RELN: variants seen among roughly 807,000 people sequenced by gnomAD.
The protein encoded by RELN is reelin.
A neutral mutation model predicts 427.6 loss-of-function variants in RELN; 108 were observed. That is an observed-to-expected ratio of 0.25 (90% CI 0.22 to 0.30). RELN has a LOEUF of 0.30. Among genes scored for constraint, RELN ranks in the 10% least tolerant of loss-of-function variants. The pLI, the probability that RELN is intolerant of heterozygous loss-of-function variation, is 1.00. For synonymous variants in RELN, 1,524 were observed against 1,513.4 expected (o/e 1.01, Z -0.16); for missense variants, 3,715 against 4,302.8 (o/e 0.86, Z 3.82).
intron 5 of RELN, 149 bp from the exon 6 acceptor site, chr7:103,749,653 CA>C (rs973692734): frequency 1.0e-4 from 69 of 673,618 alleles, no homozygotes; most frequent in Non-Finnish European, 2.1e-5. Context: ...CTTTGTCCCT[CA>C]AACTACTAAG....
chr7:103,557,662 T>C (rs1830554852), intron 37 of RELN, among the ~76,000 whole-genome samples: 1 of 152,190 alleles, frequency 6.6e-6, no homozygotes, highest in South Asian at 2.1e-4. Context: ...CATTTTAAAA[T>C]TTAAATTTCT....
Position 103,535,395 on chromosome 7 carries a change from A to G in RELN, c.7270T>C (p.Tyr2424His), listed in dbSNP as rs754565373. The change falls in exon 46 of 65, where the codon TAT becomes CAT. Residue 2424 changes from tyrosine to histidine, a missense_variant. Tyr to His is a moderately conservative substitution (Grantham distance 83). This residue lies in a region of RELN where 1,310 missense variants were observed against 1,643.0 expected (regional missense o/e 0.80). Coordinates refer to ENST00000428762, the MANE Select transcript of RELN (RefSeq NM_005045.4). ...GACACCAGGATCCGTTGCAGATGAT[A>G]GCGACTGCATTCCACATTGGTAGGC... ...CLPTNVECSR[Y>H]HLQRILVSDT... The G allele has an allele frequency of 1.9e-6, 3 of 1,614,004 alleles. No homozygotes were observed. Among genetic ancestry groups the G allele is most frequent in the Non-Finnish European group, 2.5e-6 (3 of 1,179,992 alleles).
intron 2 of RELN, among the ~76,000 whole-genome samples, chr7:103,897,563 G>T (rs1471031384): frequency 2.0e-5 from 3 of 151,994 alleles, no homozygotes; most frequent in Non-Finnish European, 2.9e-5. Context: ...CCTAAGAAGA[G>T]AGTTGTTTAT....
At chr7:103,528,887 C>T (rs1196529162) in intron 46 of RELN, among the ~76,000 whole-genome samples, 1 of 151,500 alleles carries the variant, frequency 6.6e-6, no homozygotes, top group African/African-American at 2.4e-5. Flanking sequence ...CCTGTAATCC[C>T]AGCACTTTGG....
At chr7:103,774,596 T>C (rs916711401) in intron 4 of RELN, among the ~76,000 whole-genome samples, 3 of 152,206 alleles carry the variant, frequency 2.0e-5, no homozygotes, top group African/African-American at 7.2e-5. Flanking sequence ...ATATATTAGA[T>C]ATTCCTTACC....
intron 4 of RELN, among the ~76,000 whole-genome samples, chr7:103,760,695 C>A (rs1173027565): frequency 2.0e-5 from 3 of 151,966 alleles, no homozygotes; most frequent in African/African-American, 7.2e-5. Context: ...CTTACAAATA[C>A]AGGTATTATG....
chr7:103,548,862 T>A (rs1485762253), intron 41 of RELN, among the ~76,000 whole-genome samples: 1 of 152,206 alleles, frequency 6.6e-6, no homozygotes, highest in Admixed American at 6.5e-5. Flanking sequence ...GGCATGGACA[T>A]CTTCACTCAG....
At chr7:103,545,553 A>G (rs1454480104) in intron 41 of RELN, among the ~76,000 whole-genome samples, 1 of 152,066 alleles carries the variant, frequency 6.6e-6, no homozygotes, top group African/African-American at 2.4e-5. Context: ...GCTTTTCCTG[A>G]TCCTATCAGA....
chr7:103,503,587 T>C (rs2711835), intron 51 of RELN, among the ~76,000 whole-genome samples: 16,078 of 152,258 alleles, frequency 0.11, 1,308 homozygotes, highest in African/African-American at 0.22. Context: ...CCAAGAAGAA[T>C]AGCTAACAGC....
At chr7:103,551,936 T>G (rs1584287758) in intron 40 of RELN, among the ~76,000 whole-genome samples, 1 of 141,090 alleles carries the variant, frequency 7.1e-6, no homozygotes, top group East Asian at 2.1e-4. Flanking sequence ...TGTGTGTGTG[T>G]GGGTGTGTGT....
intron 2 of RELN, among the ~76,000 whole-genome samples, chr7:103,910,788 C>T (rs1380557995): frequency 6.9e-5 from 8 of 116,660 alleles, no homozygotes; most frequent in Non-Finnish European, 1.0e-4. Context: ...GCTGGGAAAA[C>T]TGGCTAGCCA....
chr7:103,713,191 T>G (rs1477691157), intron 8 of RELN, among the ~76,000 whole-genome samples: 1 of 152,146 alleles, frequency 6.6e-6, no homozygotes, highest in Non-Finnish European at 1.5e-5. Flanking sequence ...GACAGAACCT[T>G]ATTGAGGATT....
intron 1 of RELN, among the ~76,000 whole-genome samples, chr7:103,939,292 ATAAG>A (rs1028053583): frequency 3.3e-5 from 5 of 152,194 alleles, no homozygotes; most frequent in African/African-American, 1.2e-4. Flanking sequence ...ATTAAAGAAA[ATAAG>A]TAAGGTATAA....
chr7:103,980,142 A>T (rs1796961384), intron 1 of RELN, among the ~76,000 whole-genome samples: 1 of 151,870 alleles, frequency 6.6e-6, no homozygotes, highest in African/African-American at 2.4e-5. Flanking sequence ...CCTGGACAAC[A>T]AGAGCGAAAC....
intron 8 of RELN, among the ~76,000 whole-genome samples, chr7:103,707,622 C>T (rs926795200): frequency 1.3e-5 from 2 of 152,032 alleles, no homozygotes; most frequent in Non-Finnish European, 2.9e-5. Flanking sequence ...CCTCAGCCTC[C>T]TGAGTAGCTA....
intron 2 of RELN, among the ~76,000 whole-genome samples, chr7:103,869,890 AT>A (rs1200006711): frequency 2.6e-5 from 4 of 152,072 alleles, no homozygotes; most frequent in Non-Finnish European, 5.9e-5. Flanking sequence ...ATTTTGGACC[AT>A]TTCATATTTT....
At chr7:103,944,112 C>T (rs944745563) in intron 1 of RELN, among the ~76,000 whole-genome samples, 1 of 152,080 alleles carries the variant, frequency 6.6e-6, no homozygotes, top group African/African-American at 2.4e-5. Flanking sequence ...CCCTTACTTA[C>T]TGCAGGCGAA....
chr7:103,983,058 T>C (rs1328749104), intron 1 of RELN, among the ~76,000 whole-genome samples: 1 of 152,244 alleles, frequency 6.6e-6, no homozygotes, highest in African/African-American at 2.4e-5. Flanking sequence ...ACATTTACTT[T>C]GAAAACTCAG....
At chr7:103,624,495 C>T (rs1013622860) in intron 20 of RELN, among the ~76,000 whole-genome samples, 14 of 152,102 alleles carry the variant, frequency 9.2e-5, no homozygotes, top group South Asian at 4.1e-4. Flanking sequence ...GGCATGATCT[C>T]GGCTCACTGC....
Sources: allele counts gnomAD v4.1 joint callset (sites outside exome capture counted in the v4.1 genomes callset), GRCh38; gene constraint gnomAD v4.1.1; regional missense constraint gnomAD v4.1.1; transcripts MANE v1.5; gene names NCBI Gene and HGNC (gene_info 2026-07-23, HGNC 2026-07-21).